Variants in LTBP1 observed in about 807,000 individuals in gnomAD.
LTBP1 encodes latent transforming growth factor beta binding protein 1.
In LTBP1, 129 loss-of-function variants were observed where a neutral mutation model predicts 207.6. The ratio of observed to expected loss-of-function variants is 0.62; its 90% CI spans 0.54 to 0.72. LTBP1 has a LOEUF of 0.72. Ranked by LOEUF, LTBP1 falls within the 30% of genes least tolerant of loss-of-function variation. LTBP1 has a pLI of 0.00. For synonymous variants in LTBP1, 963 were observed against 833.7 expected (o/e 1.16, Z -2.67); for missense variants, 2,281 against 2,217.2 (o/e 1.03, Z -0.58).
At chr2:32,997,920 G>T (rs1370538970) in intron 2 of LTBP1, among the ~76,000 whole-genome samples, 6 of 152,172 alleles carry the variant, frequency 3.9e-5, no homozygotes, top group Non-Finnish European at 8.8e-5. Flanking sequence ...GCCTCCTTAT[G>T]TTGGACCTGG....
intron 7 of LTBP1, among the ~76,000 whole-genome samples, chr2:33,215,481 CT>C (rs1406594743): frequency 2.0e-5 from 3 of 152,106 alleles, no homozygotes; most frequent in Admixed American, 2.0e-4. Flanking sequence ...TTAGCTGAGC[CT>C]TCTGTGGTTT....
chr2:33,209,056 A>G (rs930665988), intron 7 of LTBP1, among the ~76,000 whole-genome samples: 1 of 151,756 alleles, frequency 6.6e-6, no homozygotes, highest in East Asian at 1.9e-4. Flanking sequence ...TGTTTTTAGT[A>G]GAGACTGGGT....
intron 5 of LTBP1, among the ~76,000 whole-genome samples, chr2:33,183,370 C>A (rs796946816): frequency 3.9e-5 from 6 of 152,256 alleles, no homozygotes; most frequent in African/African-American, 1.4e-4. Flanking sequence ...GCTGTTTGTT[C>A]CTGAACTGAA....
intron 24 of LTBP1, among the ~76,000 whole-genome samples, chr2:33,342,411 T>A (rs2094639240): frequency 1.3e-5 from 2 of 152,234 alleles, no homozygotes; most frequent in African/African-American, 2.4e-5. Flanking sequence ...AAGTAAACTA[T>A]TGCTCATTTC....
intron 7 of LTBP1, among the ~76,000 whole-genome samples, chr2:33,210,731 C>T (rs1387340005): frequency 6.6e-6 from 1 of 152,194 alleles, no homozygotes; most frequent in African/African-American, 2.4e-5. Flanking sequence ...CTGCCTTCCC[C>T]TGTCTTTACC....
At chr2:33,363,624 T>G in intron 29 of LTBP1, 106 bp downstream of exon 29, 1 of 1,253,796 alleles carries the variant, frequency 8.0e-7, no homozygotes, top group Non-Finnish European at 1.1e-6. Context: ...AATCATGTGT[T>G]GAAAAGATGT....
rs141171373 is a variant in LTBP1, at chr2:33,398,499, C to T, written c.5120C>T (p.Pro1707Leu). The T allele has an allele frequency of 2.7e-4, 430 of 1,614,144 alleles. 1 individual carries two copies. The African/African-American group carries it at 4.8e-3, about 18-fold the overall frequency. ...TCTGACAAGCCAAACTACTGCACTC[C>T]GTTGAATACCGCCTTGAATTTAGAG... ...VPSDKPNYCT[P>L]LNTALNLEKD... The change falls in exon 34 of 34, where the codon CCG becomes CTG. Residue 1707 changes from proline (P) to leucine (L), a missense_variant. By Grantham distance (98) the Pro-to-Leu change is moderately conservative. This residue lies in a region of LTBP1 where 1,671 missense variants were observed against 1,634.8 expected (regional missense o/e 1.02). Coordinates refer to ENST00000404816, the MANE Select transcript of LTBP1 (RefSeq NM_206943.4).
At chr2:33,215,291 A>T (rs2090594573) in intron 7 of LTBP1, among the ~76,000 whole-genome samples, 1 of 152,156 alleles carries the variant, frequency 6.6e-6, no homozygotes, top group Admixed American at 6.5e-5. Flanking sequence ...GGGTAGGAAA[A>T]TGTCTAAGAT....
At chr2:33,300,321 A>G (rs950231059) in intron 20 of LTBP1, 130 bp from the exon 21 acceptor site, 10 of 781,154 alleles carry the variant, frequency 1.3e-5, no homozygotes, top group South Asian at 8.2e-5. Flanking sequence ...GATAAATACT[A>G]AAGTGTGTAG....
chr2:33,062,938 A>G (rs1297356535), intron 3 of LTBP1: 1 of 152,204 alleles, frequency 6.6e-6, no homozygotes, highest in East Asian at 1.9e-4. Context: ...CTGGAATTTA[A>G]AACTTATGAA....
chr2:33,107,460 C>T (rs1489299026), intron 3 of LTBP1, among the ~76,000 whole-genome samples: 1 of 151,666 alleles, frequency 6.6e-6, no homozygotes, highest in Non-Finnish European at 1.5e-5. Context: ...TAGAACAGGT[C>T]TGGATCAATC....
intron 3 of LTBP1, among the ~76,000 whole-genome samples, chr2:33,023,647 A>G (rs570097429): frequency 3.9e-5 from 6 of 152,332 alleles, no homozygotes; most frequent in Admixed American, 3.9e-4. Context: ...TGATATTAAT[A>G]AACTATATAG....
intron 5 of LTBP1, among the ~76,000 whole-genome samples, chr2:33,139,374 T>G (rs1310891311): frequency 1.3e-5 from 2 of 152,218 alleles, no homozygotes; most frequent in Non-Finnish European, 2.9e-5. Context: ...AACATGGTAG[T>G]AGATTTTCTA....
intron 2 of LTBP1, among the ~76,000 whole-genome samples, chr2:33,009,852 C>T (rs911765131): frequency 1.3e-5 from 2 of 152,110 alleles, no homozygotes; most frequent in African/African-American, 4.8e-5. Flanking sequence ...GTTTGAGAAG[C>T]CTGTTAGATA....
At chr2:32,992,919 G>A (rs1485826140) in intron 2 of LTBP1, among the ~76,000 whole-genome samples, 1 of 152,070 alleles carries the variant, frequency 6.6e-6, no homozygotes, top group Non-Finnish European at 1.5e-5. Context: ...GGAAGCTGGA[G>A]TCGGCAGAAC....
chr2:33,269,444 G>A (rs1174682646), intron 15 of LTBP1, among the ~76,000 whole-genome samples: 1 of 152,166 alleles, frequency 6.6e-6, no homozygotes, highest in African/African-American at 2.4e-5. Flanking sequence ...TGTGAACCAG[G>A]TGGCATTATG....
At chr2:33,332,605 G>A (rs1166457748) in intron 24 of LTBP1, among the ~76,000 whole-genome samples, 2 of 151,312 alleles carry the variant, frequency 1.3e-5, no homozygotes, top group African/African-American at 4.9e-5. Context: ...CGCCCAGGCT[G>A]GAGTGCAGTG....
intron 31 of LTBP1, among the ~76,000 whole-genome samples, chr2:33,386,410 G>T (rs1034938163): frequency 6.6e-6 from 1 of 152,164 alleles, no homozygotes; most frequent in Non-Finnish European, 1.5e-5. Context: ...GAAGGTGGCT[G>T]CCCTGGCCAG....
intron 3 of LTBP1, among the ~76,000 whole-genome samples, chr2:33,083,114 G>A (rs1323829156): frequency 6.6e-6 from 1 of 151,824 alleles, no homozygotes; most frequent in South Asian, 2.1e-4. Flanking sequence ...CCTGCTTGCT[G>A]CAGGTCTCTT....
Sources: allele counts gnomAD v4.1 joint callset (sites outside exome capture counted in the v4.1 genomes callset), GRCh38; gene constraint gnomAD v4.1.1; regional missense constraint gnomAD v4.1.1; transcripts MANE v1.5; gene names NCBI Gene and HGNC (gene_info 2026-07-23, HGNC 2026-07-21).